Variants in PRKCZ observed in about 807,000 individuals in gnomAD.
PRKCZ encodes protein kinase C zeta.
Under a neutral mutation model 79.5 loss-of-function variants are expected in PRKCZ, and 33 were observed. That is an observed-to-expected ratio of 0.41 (90% CI 0.31 to 0.55). The LOEUF (loss-of-function observed/expected upper bound fraction) is 0.55. PRKCZ is among the 20% of genes least tolerant of loss of function. PRKCZ has a pLI of 0.19. For missense variants in PRKCZ, 578 were observed against 813.5 expected (o/e 0.71, Z 3.52); for synonymous variants, 342 against 320.9 (o/e 1.07, Z -0.70).
Position 2,148,929 on chromosome 1 carries a change from G to A in PRKCZ, c.687+5G>A. 1.9e-6 allele frequency: 3 copies of A among 1,613,746 alleles called. No homozygotes were observed. Among genetic ancestry groups the A allele is most frequent in the Non-Finnish European group, 2.5e-6 (3 of 1,179,666 alleles). On this transcript the variant is annotated splice_donor_5th_base_variant and intron_variant, in intron 8 of 17. Coordinates refer to ENST00000378567, the MANE Select transcript of PRKCZ (RefSeq NM_002744.6). ...AGCATTAAAGACGACTCGGAGGTGA[G>A]TGTGTGGAGCAGCTCGCTGCCATTT... is the stretch of plus-strand genomic sequence containing the variant.
chr1:2,066,932 A>C (rs1661169282), intron 4 of PRKCZ, among the ~76,000 whole-genome samples: 1 of 151,918 alleles, frequency 6.6e-6, no homozygotes, highest in Admixed American at 6.6e-5. Flanking sequence ...TCTCCTTAGC[A>C]TTGCTTTCCC....
chr1:2,136,804 G>A (rs1676288850), intron 5 of PRKCZ, among the ~76,000 whole-genome samples: 1 of 152,104 alleles, frequency 6.6e-6, no homozygotes, highest in Non-Finnish European at 1.5e-5. Context: ...GAGTCTTCTG[G>A]GGCTGCAGAA....
At chr1:2,138,158 T>A (rs1168978063) in intron 5 of PRKCZ, among the ~76,000 whole-genome samples, 2 of 152,208 alleles carry the variant, frequency 1.3e-5, no homozygotes, top group East Asian at 1.9e-4. Flanking sequence ...AGGAAAGCAC[T>A]TGGTTTTGTG....
At position 2,165,847 on chromosome 1, in the gene PRKCZ, G is replaced by A. The variant is rs566614837; in HGVS notation, c.975-3671G>A. On this transcript the variant is annotated intron_variant, in intron 10 of 17. Transcript: ENST00000378567. The surrounding 1 kb of genome is among the most constrained non-coding windows in gnomAD (Gnocchi z 4.1). ...AGGGGTGGGGGGAGTGGCGAGGAGG[G>A]GGCGGCACCAAGGACAGGGCCCACC... Among the ~76,000 whole-genome samples the A allele has an allele frequency of 7.2e-5, 11 of 152,142 alleles. No homozygotes were observed. The highest frequency in any genetic ancestry group is 1.3e-4 in the Non-Finnish European group (9 of 68,018).
chr1:2,084,029 C>T lies in PRKCZ; in HGVS notation c.334+24438C>T, dbSNP rs192510941. ...GGCAGATCACTTGAGGTCAGGAGTT[C>T]GAGACCAGCCTGGCCAATGTGATGA... On this transcript the variant is annotated intron_variant, in intron 4 of 17. Coordinates refer to ENST00000378567, the MANE Select transcript of PRKCZ (RefSeq NM_002744.6). 2.6e-3 allele frequency among the ~76,000 whole-genome samples: 394 copies of T among 152,204 alleles called. 1 individual carries two copies. Among genetic ancestry groups the T allele is most frequent in the Non-Finnish European group, 4.2e-3 (283 of 67,998 alleles).
chr1:2,115,646 G>A (rs1157562118), intron 4 of PRKCZ, among the ~76,000 whole-genome samples: 1 of 152,232 alleles, frequency 6.6e-6, no homozygotes, highest in African/African-American at 2.4e-5. Flanking sequence ...CCAACTGGCT[G>A]TGAATCGGGG....
At chr1:2,114,772 CAAAAA>C (rs1178702907) in intron 4 of PRKCZ, among the ~76,000 whole-genome samples, 1 of 145,030 alleles carries the variant, frequency 6.9e-6, no homozygotes, top group African/African-American at 2.5e-5. Flanking sequence ...GACTCCGTCT[CAAAAA>C]AAAAAGAAAA....
In PRKCZ at chr1:2,094,378, C is replaced by CT. The variant is rs1666055041; in HGVS notation, c.334+34788dup. 6.6e-6 allele frequency among the ~76,000 whole-genome samples: 1 copy of CT among 152,056 alleles called. No individual in the cohort carries two copies. Among genetic ancestry groups the CT allele is most frequent in the African/African-American group, 2.4e-5 (1 of 41,388 alleles). Reference sequence around the variant, plus strand: ...GCCCCGGCTCGTTGAACCTTGGGCACTGCCCATTCTGAGGCGCCCGCTGTG... The same window carrying CT: ...GCCCCGGCTCGTTGAACCTTGGGCACTTGCCCATTCTGAGGCGCCCGCTGTG... On this transcript the variant is annotated intron_variant, in intron 4 of 17. Coordinates refer to ENST00000378567, the MANE Select transcript of PRKCZ (RefSeq NM_002744.6). The surrounding 1 kb of genome is among the most constrained non-coding windows in gnomAD (Gnocchi z 7.3).
intron 4 of PRKCZ, among the ~76,000 whole-genome samples, chr1:2,099,903 T>C (rs2376802): frequency 0.6 from 91,193 of 152,152 alleles, 28,770 homozygotes; most frequent in East Asian, 0.95. Flanking sequence ...AGTGAGAAAC[T>C]GATGCCTCTG....
At chr1:2,069,341 C>G (rs1167556542) in intron 4 of PRKCZ, among the ~76,000 whole-genome samples, 1 of 152,124 alleles carries the variant, frequency 6.6e-6, no homozygotes, top group Non-Finnish European at 1.5e-5. Context: ...GTGGAGGCTG[C>G]TGTACCTGGC....
chr1:2,134,660 C>T (rs150552353), intron 4 of PRKCZ, among the ~76,000 whole-genome samples: 1 of 152,294 alleles, frequency 6.6e-6, no homozygotes, highest in African/African-American at 2.4e-5. Context: ...GGCTCTCCTG[C>T]CCTGAGATTT....
At chr1:2,056,174 C>A (rs1660138455) in intron 2 of PRKCZ, among the ~76,000 whole-genome samples, 1 of 152,224 alleles carries the variant, frequency 6.6e-6, no homozygotes, top group Non-Finnish European at 1.5e-5. Context: ...AGGAGCTCTC[C>A]CTCCGCCCAG....
chr1:2,075,396 A>G lies in PRKCZ; in HGVS notation c.334+15805A>G, dbSNP rs1367242234. On this transcript the variant is annotated intron_variant, in intron 4 of 17. Transcript: ENST00000378567. The surrounding 1 kb of genome is among the most constrained non-coding windows in gnomAD (Gnocchi z 4.8). Reference sequence around the variant, plus strand: ...CCTCGGTGGGTGAGTCAGAGCTGGGATGGGGACAGATTGGAGGGGCCACCG... The same window carrying G: ...CCTCGGTGGGTGAGTCAGAGCTGGGGTGGGGACAGATTGGAGGGGCCACCG... 1 of 152,020 alleles carries G rather than the reference A, an allele frequency of 6.6e-6. No homozygotes were observed. Among genetic ancestry groups the G allele is most frequent in the African/African-American group, 2.4e-5 (1 of 41,340 alleles). 9.4% of individuals were successfully genotyped at this position (152,020 alleles called of 1,614,324 possible).
At chr1:2,170,810 C>T (rs1684282111) in intron 11 of PRKCZ, among the ~76,000 whole-genome samples, 1 of 152,326 alleles carries the variant, frequency 6.6e-6, no homozygotes, top group South Asian at 2.1e-4. Flanking sequence ...CGTGCTGTGG[C>T]CTGTCTCAGA....
intron 4 of PRKCZ, among the ~76,000 whole-genome samples, chr1:2,118,781 CT>C (rs1173185131): frequency 7.7e-6 from 1 of 130,530 alleles, no homozygotes; most frequent in Admixed American, 8.1e-5. Context: ...GGGAAGGGGA[CT>C]TAGTGTTTAT....
intron 4 of PRKCZ, among the ~76,000 whole-genome samples, chr1:2,126,079 T>C (rs1216356853): frequency 6.6e-6 from 1 of 151,702 alleles, no homozygotes; most frequent in Non-Finnish European, 1.5e-5. Flanking sequence ...CACCTGGGGG[T>C]CCTGCGGGGG....
At chr1:2,114,768 G>A (rs969464317) in intron 4 of PRKCZ, among the ~76,000 whole-genome samples, 6 of 151,710 alleles carry the variant, frequency 4.0e-5, no homozygotes, top group Non-Finnish European at 8.8e-5. Flanking sequence ...GCGAGACTCC[G>A]TCTCAAAAAA....
intron 4 of PRKCZ, among the ~76,000 whole-genome samples, chr1:2,119,677 T>G (rs1347459642): frequency 6.6e-6 from 1 of 152,262 alleles, no homozygotes; most frequent in Admixed American, 6.5e-5. Context: ...CCTTCTAGTC[T>G]TCCTGCAGGA....
At chr1:2,088,936 GTTTTA>G (rs1482622059) in intron 4 of PRKCZ, among the ~76,000 whole-genome samples, 3 of 152,042 alleles carry the variant, frequency 2.0e-5, no homozygotes, top group Non-Finnish European at 2.9e-5. Flanking sequence ...TGTCACTTTT[GTTTTA>G]TTTTGTTTTG....
Sources: gnomAD v4.1 joint callset for allele counts (sites outside exome capture counted in the v4.1 genomes callset) on GRCh38, gnomAD v4.1.1 for gene constraint, Gnocchi (gnomAD v3.1) non-coding constraint, MANE v1.5 for transcripts, NCBI Gene and HGNC (gene_info 2026-07-23, HGNC 2026-07-21) for gene names.